Variants in SLC71A1 observed in about 807,000 individuals in gnomAD.
The protein encoded by SLC71A1 is solute carrier family 71 member 1.
chr1:100,041,119 T>G, the SLC71A1 span, among the ~76,000 whole-genome samples: 2 of 152,266 alleles, frequency 1.3e-5, no homozygotes, highest in East Asian at 3.8e-4. Context: ...TAGTAAGAGT[T>G]GTTAATGATT....
At chr1:100,059,546 T>A in the SLC71A1 span, among the ~76,000 whole-genome samples, 4 of 151,128 alleles carry the variant, frequency 2.6e-5, no homozygotes, top group Non-Finnish European at 5.9e-5. Flanking sequence ...TGTTTTATGT[T>A]TTATATATAT....
the SLC71A1 span, chr1:100,069,755 A>T: frequency 1.1e-6 from 1 of 897,862 alleles, no homozygotes; most frequent in Non-Finnish European, 1.9e-6. Context: ...GGCCTCATCT[A>T]GTGATGGTAT....
the SLC71A1 span, among the ~76,000 whole-genome samples, chr1:100,055,992 C>G: frequency 0.033 from 5,020 of 152,148 alleles, 304 homozygotes; most frequent in African/African-American, 0.11. Context: ...ACCTTGTGCT[C>G]TGCCCGCCTC....
the SLC71A1 span, among the ~76,000 whole-genome samples, chr1:100,073,889 C>T: frequency 6.6e-6 from 1 of 152,096 alleles, no homozygotes; most frequent in Non-Finnish European, 1.5e-5. Context: ...TAAGGGACAC[C>T]AAAAATTTTT....
At chr1:100,062,356 G>T in the SLC71A1 span, among the ~76,000 whole-genome samples, 1 of 152,250 alleles carries the variant, frequency 6.6e-6, no homozygotes, top group South Asian at 2.1e-4. Context: ...TGTGGGCCAC[G>T]TACAGTCTCT....
chr1:100,049,603 C>T, the SLC71A1 span, among the ~76,000 whole-genome samples: 9 of 152,262 alleles, frequency 5.9e-5, no homozygotes, highest in South Asian at 1.0e-3. Context: ...CCTATACCTC[C>T]GCCTGTCTAA....
the SLC71A1 span, among the ~76,000 whole-genome samples, chr1:100,074,169 C>T: frequency 5.3e-5 from 8 of 152,148 alleles, no homozygotes. Context: ...AGGAGGTTCT[C>T]ACAGCAGTGG....
chr1:100,038,726 G>A, the SLC71A1 span, among the ~76,000 whole-genome samples: 446 of 152,326 alleles, frequency 2.9e-3, 2 homozygotes, highest in African/African-American at 9.7e-3. Flanking sequence ...CTTGTCAAGG[G>A]GCTGGGAACC....
the SLC71A1 span, among the ~76,000 whole-genome samples, chr1:100,072,716 A>G: frequency 6.6e-6 from 1 of 152,126 alleles, no homozygotes; most frequent in African/African-American, 2.4e-5. Context: ...TTCCAGCGAG[A>G]GCCAAGTAGT....
At chr1:100,081,376 G>GT in the SLC71A1 span, among the ~76,000 whole-genome samples, 57 of 151,726 alleles carry the variant, frequency 3.8e-4, no homozygotes, top group African/African-American at 1.3e-3. Context: ...ATTTTATTTT[G>GT]TTTTTTGTTG....
At chr1:100,054,426 T>G in the SLC71A1 span, among the ~76,000 whole-genome samples, 149 of 152,212 alleles carry the variant, frequency 9.8e-4, no homozygotes, top group Non-Finnish European at 7.1e-4. Context: ...TTGGTCAGGC[T>G]GGTCTTGAAC....
At chr1:100,077,146 C>CTTTTT in the SLC71A1 span, 2 of 884,246 alleles carry the variant, frequency 2.3e-6, no homozygotes, top group Non-Finnish European at 3.4e-6. Flanking sequence ...TCTGATAAAT[C>CTTTTT]TTTTTTTTTT....
chr1:100,078,136 C>T, the SLC71A1 span, among the ~76,000 whole-genome samples: 3 of 152,246 alleles, frequency 2.0e-5, no homozygotes, highest in East Asian at 1.9e-4. Context: ...GATGATGTTT[C>T]GTCATCTATA....
the SLC71A1 span, chr1:100,082,470 TTTAA>T: frequency 2.2e-6 from 1 of 448,120 alleles, no homozygotes; most frequent in African/African-American, 2.0e-5. Context: ...TTATACATCC[TTTAA>T]TTAAAAACTA....
At chr1:100,045,931 A>G in the SLC71A1 span, among the ~76,000 whole-genome samples, 1 of 151,980 alleles carries the variant, frequency 6.6e-6, no homozygotes, top group African/African-American at 2.4e-5. Context: ...ATCCATTTTG[A>G]TTTGATTGTT....
chr1:100,078,960 G>GGA, the SLC71A1 span: 1 of 153,226 alleles, frequency 6.5e-6, no homozygotes, highest in Admixed American at 6.5e-5. Context: ...CAGTTACTTG[G>GGA]GAGGCTGAGG....
the SLC71A1 span, chr1:100,068,644 A>G: frequency 1.0e-6 from 1 of 979,262 alleles, no homozygotes; most frequent in Non-Finnish European, 1.6e-6. Flanking sequence ...CTTTAATAAA[A>G]ATATTTAATC....
At chr1:100,078,364 A>G in the SLC71A1 span, 10 of 849,078 alleles carry the variant, frequency 1.2e-5, no homozygotes, top group Admixed American at 1.8e-4. Flanking sequence ...CAGCCATTTC[A>G]CAGTAAGAAT....
the SLC71A1 span, among the ~76,000 whole-genome samples, chr1:100,065,310 G>T: frequency 6.6e-6 from 1 of 152,280 alleles, no homozygotes; most frequent in South Asian, 2.1e-4. Context: ...TGAATTGCTT[G>T]CCTTAAGCAA....
Sources: gnomAD v4.1 joint callset for allele counts (sites outside exome capture counted in the v4.1 genomes callset) on GRCh38, gnomAD v4.1.1 for gene constraint, MANE v1.5 for transcripts, NCBI Gene and HGNC (gene_info 2026-07-23, HGNC 2026-07-21) for gene names.